The following NCOA6 variants were observed in gnomAD, a reference collection of about 807,000 sequenced individuals.
NCOA6 encodes NRC RAP250.
A neutral mutation model predicts 171.4 loss-of-function variants in NCOA6; 49 were observed. The ratio of observed to expected loss-of-function variants is 0.29; its 90% CI spans 0.23 to 0.36. The LOEUF is 0.36. Among genes scored for constraint, NCOA6 ranks in the 10% least tolerant of loss-of-function variants. The probability of loss-of-function intolerance (pLI) is 1.00; values close to 1 mark genes in which losing one functional copy is unlikely to be tolerated. For synonymous variants in NCOA6, 910 were observed against 927.5 expected (o/e 0.98, Z 0.34); for missense variants, 2,248 against 2,554.5 (o/e 0.88, Z 2.59).
At chr20:34,783,207 G>A (rs2077562191) in intron 2 of NCOA6, among the ~76,000 whole-genome samples, 1 of 152,088 alleles carries the variant, frequency 6.6e-6, no homozygotes, top group African/African-American at 2.4e-5. Context: ...CTTGAATCCA[G>A]GAGGGTGGAG....
Position 34,757,317 on chromosome 20 carries a change from A to G in NCOA6, c.1431T>C (p.Asn477=). 1 of 1,614,110 alleles carries G rather than the reference A, an allele frequency of 6.2e-7. No homozygotes were observed. Reference sequence around the variant, plus strand: ...GCACATTTCCCTGTTGAACCATAGGATTCCGACCCGGAGAGCTGACAGGCT... The same window carrying G: ...GCACATTTCCCTGTTGAACCATAGGGTTCCGACCCGGAGAGCTGACAGGCT... ...FQQPVSSPGR[N]PMVQQGNVPP... is the part of the protein sequence containing the mutation. The change falls in exon 7 of 15, where the codon AAT becomes AAC. Residue 477 remains asparagine, a synonymous_variant. Transcript: ENST00000359003.
intron 12 of NCOA6, among the ~76,000 whole-genome samples, chr20:34,735,184 T>C (rs774318614): frequency 1.3e-5 from 2 of 152,092 alleles, no homozygotes; most frequent in Non-Finnish European, 2.9e-5. Context: ...TAGAGTAGGG[T>C]TGGGGCAGGA....
intron 1 of NCOA6, among the ~76,000 whole-genome samples, chr20:34,816,527 G>C (rs1214543077): frequency 1.3e-5 from 2 of 152,134 alleles, no homozygotes; most frequent in African/African-American, 4.8e-5. Context: ...AGCCTCTCAA[G>C]TAGGTGCGAT....
chr20:34,777,813 G>A (rs1387280767), intron 3 of NCOA6, among the ~76,000 whole-genome samples: 2 of 152,216 alleles, frequency 1.3e-5, no homozygotes, highest in Admixed American at 1.3e-4. Flanking sequence ...CATATTCATA[G>A]CAGCATTACC....
chr20:34,753,543 C>T (rs138793168), intron 8 of NCOA6, among the ~76,000 whole-genome samples: 5,505 of 151,896 alleles, frequency 0.036, 134 homozygotes, highest in Non-Finnish European at 0.056. Flanking sequence ...CACCTGTAAT[C>T]CCAGCTACTC....
chr20:34,776,684 A>G, intron 3 of NCOA6: 1 of 626,746 alleles, frequency 1.6e-6, no homozygotes, highest in Non-Finnish European at 2.9e-6. Context: ...TTCTTTTCTA[A>G]AACTATGAAA....
At chr20:34,781,733 A>G (rs2077521033) in intron 3 of NCOA6, among the ~76,000 whole-genome samples, 2 of 152,340 alleles carry the variant, frequency 1.3e-5, no homozygotes, top group Middle Eastern at 3.4e-3. Flanking sequence ...AATTTAAAGT[A>G]TATTATAAGC....
rs759986004 is a variant in NCOA6, at chr20:34,742,287, C to T, written c.3969G>A (p.Arg1323=). 34 of 1,614,144 alleles carry T rather than the reference C, an allele frequency of 2.1e-5. No homozygotes were observed. Among genetic ancestry groups the T allele is most frequent in the Middle Eastern group, 3.3e-4 (2 of 6,062 alleles). Residue 1323 remains arginine, a synonymous_variant, in exon 11 of 15, where the codon CGG becomes CGA. Coordinates refer to ENST00000359003, the MANE Select transcript of NCOA6 (RefSeq NM_014071.5). ...ACCTGCGACTGTTGCTTGGACTTGC[C>T]CGTTTTGTTGCTCCAGAATTAGACT... is the stretch of plus-strand genomic sequence containing the variant. ...GKQSNSGATK[R]ASPSNSRRSS...
chr20:34,801,617 A>G (rs2078257107), intron 1 of NCOA6, among the ~76,000 whole-genome samples: 1 of 152,214 alleles, frequency 6.6e-6, no homozygotes, highest in Non-Finnish European at 1.5e-5. Flanking sequence ...AGACACATAC[A>G]ATCTACCAAG....
Position 34,742,278 on chromosome 20 carries a change from T to C in NCOA6, c.3978A>G (p.Pro1326=), listed in dbSNP as rs1274286658. ...CAGGACTAGACCTGCGACTGTTGCT[T>C]GGACTTGCCCGTTTTGTTGCTCCAG... ...SNSGATKRAS[P]SNSRRSSPGS... is the part of the protein sequence containing the mutation. Residue 1326 remains proline, a synonymous_variant, in exon 11 of 15, where the codon CCA becomes CCG. Coordinates refer to ENST00000359003, the MANE Select transcript of NCOA6 (RefSeq NM_014071.5). 1 of 1,614,120 alleles carries C rather than the reference T, an allele frequency of 6.2e-7. No homozygotes were observed. Among genetic ancestry groups the C allele is most frequent in the Non-Finnish European group, 8.5e-7 (1 of 1,180,052 alleles).
chr20:34,743,447 C>T, intron 10 of NCOA6, 106 bp from the exon 11 acceptor site: 1 of 1,214,946 alleles, frequency 8.2e-7, no homozygotes. Context: ...ACAGACTATG[C>T]ACAAACAGCT....
chr20:34,753,326 C>T (rs62213657), intron 8 of NCOA6, among the ~76,000 whole-genome samples: 67,300 of 150,038 alleles, frequency 0.45, 15,462 homozygotes, highest in Admixed American at 0.6. Context: ...GGATTACAGG[C>T]GTGAGCCACC....
intron 5 of NCOA6, among the ~76,000 whole-genome samples, chr20:34,764,314 C>T (rs1283878715): frequency 6.6e-6 from 1 of 152,134 alleles, no homozygotes; most frequent in East Asian, 1.9e-4. Context: ...GTCTCCATCT[C>T]CTGACCTTGT....
At chr20:34,737,248 G>C (rs2075985599) in intron 11 of NCOA6, among the ~76,000 whole-genome samples, 1 of 152,176 alleles carries the variant, frequency 6.6e-6, no homozygotes, top group Admixed American at 6.5e-5. Context: ...AAAGTGATGG[G>C]CATAAAGCAG....
At chr20:34,715,688 C>A (rs879103302) in intron 14 of NCOA6, among the ~76,000 whole-genome samples, 1 of 152,136 alleles carries the variant, frequency 6.6e-6, no homozygotes, top group African/African-American at 2.4e-5. Flanking sequence ...CATCATAAAA[C>A]GAAGTGTAAT....
intron 11 of NCOA6, 23 bp from the exon 12 acceptor site, chr20:34,736,781 A>G: frequency 1.3e-6 from 2 of 1,588,814 alleles, no homozygotes; most frequent in South Asian, 2.3e-5. Flanking sequence ...AAAAAAAATT[A>G]CAGACCTTTT....
At chr20:34,782,091 C>T (rs1024698888) in intron 3 of NCOA6, 30 bp downstream of exon 3, 2 of 1,431,906 alleles carry the variant, frequency 1.4e-6, no homozygotes, top group Non-Finnish European at 1.9e-6. Context: ...AAAACAGTAA[C>T]AGGAAGAAAA....
At chr20:34,776,624 C>CA (rs780300839) in intron 3 of NCOA6, 176 bp from the exon 4 acceptor site, 12 of 757,504 alleles carry the variant, frequency 1.6e-5, no homozygotes, top group Middle Eastern at 3.2e-4. Flanking sequence ...TGCCACTTAG[C>CA]ACCTGGGTGA....
intron 4 of NCOA6, among the ~76,000 whole-genome samples, chr20:34,769,127 T>C (rs1568817114): frequency 6.6e-6 from 1 of 152,162 alleles, no homozygotes; most frequent in Non-Finnish European, 1.5e-5. Context: ...AATCATGCAA[T>C]GAAGAGGAGA....
Sources: allele counts gnomAD v4.1 joint callset (sites outside exome capture counted in the v4.1 genomes callset), GRCh38; gene constraint gnomAD v4.1.1; transcripts MANE v1.5; gene names NCBI Gene and HGNC (gene_info 2026-07-23, HGNC 2026-07-21).